The following ENOX1 variants were observed in gnomAD, a reference collection of about 807,000 sequenced individuals.
The protein encoded by ENOX1 is candidate growth-related and time keeping constitutive hydroquinone (NADH) oxidase.
In ENOX1, 42 loss-of-function variants were observed where a neutral mutation model predicts 82.5. The observed-to-expected ratio is 0.51, with a 90% CI of 0.40 to 0.66. ENOX1 has a LOEUF of 0.66. Ranked by LOEUF, ENOX1 falls within the 30% of genes least tolerant of loss-of-function variation. The probability of loss-of-function intolerance (pLI) is 0.00; values close to 1 mark genes in which losing one functional copy is unlikely to be tolerated. For synonymous variants in ENOX1, 271 were observed against 282.2 expected (o/e 0.96, Z 0.40); for missense variants, 608 against 811.6 (o/e 0.75, Z 3.05).
At chr13:43,298,285 T>C in intron 12 of ENOX1, 61 bp downstream of exon 12, 1 of 1,497,966 alleles carries the variant, frequency 6.7e-7, no homozygotes, top group Non-Finnish European at 8.9e-7. Flanking sequence ...TGCCTTTCCA[T>C]TTTCATTTAA....
intron 2 of ENOX1, among the ~76,000 whole-genome samples, chr13:43,512,323 C>A (rs2077400034): frequency 6.6e-6 from 1 of 152,094 alleles, no homozygotes; most frequent in African/African-American, 2.4e-5. Flanking sequence ...AAAATTCAAA[C>A]CTACTCCATC....
At chr13:43,697,840 C>T (rs1049667139) in intron 1 of ENOX1, among the ~76,000 whole-genome samples, 1 of 152,122 alleles carries the variant, frequency 6.6e-6, no homozygotes, top group Non-Finnish European at 1.5e-5. Context: ...GGTTTGGGTC[C>T]CCATATGCTA....
intron 1 of ENOX1, among the ~76,000 whole-genome samples, chr13:43,773,124 CT>C (rs780972554): frequency 1.3e-5 from 2 of 152,186 alleles, no homozygotes; most frequent in African/African-American, 4.8e-5. Context: ...CAAATTAGTT[CT>C]CTTGTTTCTA....
intron 12 of ENOX1, among the ~76,000 whole-genome samples, chr13:43,288,343 C>T (rs1175856835): frequency 1.3e-5 from 2 of 152,116 alleles, no homozygotes; most frequent in Non-Finnish European, 2.9e-5. Flanking sequence ...TTTCCCACAG[C>T]CATATTCTAT....
chr13:43,518,744 A>T (rs910319633), intron 2 of ENOX1, among the ~76,000 whole-genome samples: 11 of 152,144 alleles, frequency 7.2e-5, no homozygotes, highest in Non-Finnish European at 1.5e-4. Context: ...TGTTTATGGT[A>T]ACTACCTCAT....
intron 3 of ENOX1, among the ~76,000 whole-genome samples, chr13:43,478,080 T>C (rs1194553606): frequency 4.1e-5 from 5 of 120,596 alleles, no homozygotes; most frequent in East Asian, 2.5e-4. Context: ...TTTTTTTTTT[T>C]CATTTTTTAA....
chr13:43,580,758 A>G (rs2080681365), intron 2 of ENOX1, among the ~76,000 whole-genome samples: 1 of 152,206 alleles, frequency 6.6e-6, no homozygotes, highest in African/African-American at 2.4e-5. Flanking sequence ...TTATTTTTAT[A>G]GGTAAGGTTA....
intron 2 of ENOX1, among the ~76,000 whole-genome samples, chr13:43,664,122 C>A (rs910338181): frequency 1.3e-5 from 2 of 152,078 alleles, no homozygotes; most frequent in African/African-American, 4.8e-5. Context: ...TAATTACATT[C>A]TAATGTCAGA....
chr13:43,504,747 G>T (rs554325069), intron 2 of ENOX1, among the ~76,000 whole-genome samples: 1 of 151,592 alleles, frequency 6.6e-6, no homozygotes, highest in East Asian at 1.9e-4. Flanking sequence ...GTACAGTAGA[G>T]TGCCTATAGT....
chr13:43,353,469 T>C (rs916916851), intron 8 of ENOX1, among the ~76,000 whole-genome samples: 1 of 152,228 alleles, frequency 6.6e-6, no homozygotes, highest in African/African-American at 2.4e-5. Context: ...TGCATTTCCA[T>C]TTCCTTTCTG....
chr13:43,686,503 G>A (rs1222329515), intron 1 of ENOX1, among the ~76,000 whole-genome samples: 2 of 152,146 alleles, frequency 1.3e-5, no homozygotes, highest in African/African-American at 4.8e-5. Flanking sequence ...CCATTTCTGT[G>A]TTATCTGGCT....
intron 2 of ENOX1, among the ~76,000 whole-genome samples, chr13:43,655,577 C>T (rs1029808996): frequency 1.2e-4 from 18 of 152,124 alleles, no homozygotes; most frequent in Non-Finnish European, 2.9e-5. Context: ...ATCATCTACC[C>T]GAATGTCATG....
chr13:43,780,945 G>C (rs1004893057), intron 1 of ENOX1, among the ~76,000 whole-genome samples: 11 of 152,142 alleles, frequency 7.2e-5, no homozygotes, highest in Non-Finnish European at 1.3e-4. Flanking sequence ...TTACATTGGG[G>C]CCAGCAAACT....
chr13:43,617,184 C>T (rs1050496921), intron 2 of ENOX1, among the ~76,000 whole-genome samples: 4 of 152,090 alleles, frequency 2.6e-5, no homozygotes, highest in Admixed American at 6.6e-5. Context: ...GAATGTATTC[C>T]GTATGTATGG....
At chr13:43,250,548 C>A (rs2043395479) in intron 14 of ENOX1, among the ~76,000 whole-genome samples, 1 of 152,188 alleles carries the variant, frequency 6.6e-6, no homozygotes, top group Admixed American at 6.5e-5. Context: ...CAGAGTCTCA[C>A]AATTACTAAT....
At chr13:43,344,973 C>A (rs1402128970) in intron 8 of ENOX1, among the ~76,000 whole-genome samples, 1 of 152,198 alleles carries the variant, frequency 6.6e-6, no homozygotes, top group Non-Finnish European at 1.5e-5. Flanking sequence ...ACACTCTCAT[C>A]TACCAACTCC....
At chr13:43,309,917 T>A (rs1287430746) in intron 11 of ENOX1, among the ~76,000 whole-genome samples, 1 of 152,216 alleles carries the variant, frequency 6.6e-6, no homozygotes, top group African/African-American at 2.4e-5. Flanking sequence ...TTAAAAATCC[T>A]CTGCAACTGG....
chr13:43,602,027 C>A (rs1334341538), intron 2 of ENOX1, among the ~76,000 whole-genome samples: 1 of 151,658 alleles, frequency 6.6e-6, no homozygotes, highest in Non-Finnish European at 1.5e-5. Flanking sequence ...ACAATAAGCT[C>A]CTAAATGACT....
chr13:43,541,079 T>TGTCTTA (rs2078687494), intron 2 of ENOX1, among the ~76,000 whole-genome samples: 1 of 152,170 alleles, frequency 6.6e-6, no homozygotes, highest in East Asian at 1.9e-4. Flanking sequence ...ATATCACTGT[T>TGTCTTA]GTCTTATTTC....
Sources: allele counts gnomAD v4.1 joint callset (sites outside exome capture counted in the v4.1 genomes callset), GRCh38; gene constraint gnomAD v4.1.1; transcripts MANE v1.5; gene names NCBI Gene and HGNC (gene_info 2026-07-23, HGNC 2026-07-21).